UBAC2: variants seen among roughly 807,000 people sequenced by gnomAD.
UBAC2 encodes the protein ubiquitin-associated domain-containing protein 2.
A neutral mutation model predicts 44.0 loss-of-function variants in UBAC2; 26 were observed. The observed-to-expected ratio is 0.59, with a 90% CI of 0.43 to 0.82. The LOEUF is 0.82. Among genes scored for constraint, UBAC2 ranks in the 40% least tolerant of loss-of-function variants. The pLI, the probability that UBAC2 is intolerant of heterozygous loss-of-function variation, is 0.00. For missense variants in UBAC2, 329 were observed against 419.4 expected (o/e 0.78, Z 1.88); for synonymous variants, 155 against 154.3 (o/e 1.00, Z -0.04).
intron 8 of UBAC2, among the ~76,000 whole-genome samples, chr13:99,381,670 G>A (rs2138931128): frequency 6.6e-6 from 1 of 152,218 alleles, no homozygotes; most frequent in South Asian, 2.1e-4. Context: ...CCCAAGATTG[G>A]AAAGACCACC....
chr13:99,335,380 T>G (rs1316208068), intron 6 of UBAC2, among the ~76,000 whole-genome samples: 1 of 94,928 alleles, frequency 1.1e-5, no homozygotes, highest in Admixed American at 1.0e-4. Flanking sequence ...TCATTACTGT[T>G]TTTTTTTTTC....
intron 6 of UBAC2, among the ~76,000 whole-genome samples, chr13:99,338,039 C>CTTTTTTTTTTTTTTTTT (rs747905404): frequency 7.6e-5 from 7 of 91,556 alleles, no homozygotes; most frequent in East Asian, 3.0e-4. Flanking sequence ...AACTTTTTTT[C>CTTTTTTTTTTTTTTTTT]TTTTTTTCTT....
In UBAC2 at chr13:99,215,846, G is replaced by A. The variant is rs139381006; in HGVS notation, c.31+14907G>A. ...CCACCATCTACTCCTTCATCGCACC[G>A]TGATTCAAACTGCCCTTTTCAGTTC... On this transcript the variant is annotated intron_variant, in intron 1 of 8. Transcript: ENST00000403766. The A allele has an allele frequency of 1.6e-3, 853 of 518,118 alleles. 7 individuals are homozygous for A. Among genetic ancestry groups the A allele is most frequent in the African/African-American group, 0.014 (744 of 52,544 alleles). 32.1% of individuals were successfully genotyped at this position (518,118 alleles called of 1,614,324 possible).
chr13:99,235,653 C>T (rs532335774), intron 1 of UBAC2, among the ~76,000 whole-genome samples: 2 of 152,168 alleles, frequency 1.3e-5, no homozygotes, highest in Non-Finnish European at 2.9e-5. Flanking sequence ...CAAGAACATA[C>T]AATGGAGAAA....
In UBAC2 at chr13:99,297,808, T is replaced by TA. The variant is rs752253836; in HGVS notation, c.390-16276dup. ...CAGGACAGAGACTATCGGTTTAGAT[T>TA]AAAAAAAAAAAAATTCCAGCTGTTT... On this transcript the variant is annotated intron_variant, in intron 4 of 8. Coordinates refer to ENST00000403766, the MANE Select transcript of UBAC2 (RefSeq NM_001144072.2). Among the ~76,000 whole-genome samples the TA allele has an allele frequency of 2.2e-3, 322 of 144,100 alleles. 1 individual carries two copies. Among genetic ancestry groups the TA allele is most frequent in the Middle Eastern group, 3.6e-3 (1 of 280 alleles). The allele number at this position is 144,100 out of a possible 152,430, so 94.5% of individuals were successfully genotyped here. A position where few individuals can be genotyped will look rare whatever the true frequency, so the allele number is the denominator to read the frequency against.
At chr13:99,287,608 G>C (rs1472638192) in intron 4 of UBAC2, among the ~76,000 whole-genome samples, 1 of 149,568 alleles carries the variant, frequency 6.7e-6, no homozygotes, top group Non-Finnish European at 1.5e-5. Flanking sequence ...CAAGAGTAAG[G>C]AAAAATATCT....
At chr13:99,357,305 T>G (rs1217873870) in intron 7 of UBAC2, among the ~76,000 whole-genome samples, 1 of 152,198 alleles carries the variant, frequency 6.6e-6, no homozygotes, top group African/African-American at 2.4e-5. Context: ...ACAGCACATT[T>G]CTCAGAATGA....
At chr13:99,275,896 A>G (rs979187820) in intron 4 of UBAC2, among the ~76,000 whole-genome samples, 1 of 152,046 alleles carries the variant, frequency 6.6e-6, no homozygotes, top group Non-Finnish European at 1.5e-5. Flanking sequence ...GGATCTGTGC[A>G]TTTGTTTCTT....
In UBAC2 at chr13:99,243,692, T is replaced by C. The variant is rs114688567; in HGVS notation, c.160-140T>C. On this transcript the variant is annotated intron_variant, in intron 2 of 8. Transcript: ENST00000403766. ...GACTTGAGCTCAGAGAACATACATA[T>C]ATAGTTTTCCTTTGGTGTGTGCATT... is the stretch of plus-strand genomic sequence containing the variant. 8.6e-4 allele frequency: 611 copies of C among 711,264 alleles called. 2 individuals are homozygous for C. The African/African-American group carries it at 0.01, about 12-fold the overall frequency. The allele number at this position is 711,264 out of a possible 1,614,324, so 44.1% of individuals were successfully genotyped here. A position where few individuals can be genotyped will look rare whatever the true frequency, so the allele number is the denominator to read the frequency against.
intron 6 of UBAC2, among the ~76,000 whole-genome samples, chr13:99,324,018 C>G (rs567390953): frequency 1.3e-5 from 2 of 152,124 alleles, no homozygotes; most frequent in Non-Finnish European, 1.5e-5. Flanking sequence ...TTTCAAAATG[C>G]GACCTCCTCA....
chr13:99,240,843 A>G (rs1293090620), intron 2 of UBAC2, among the ~76,000 whole-genome samples: 1 of 152,148 alleles, frequency 6.6e-6, no homozygotes, highest in African/African-American at 2.4e-5. Context: ...CTTGGAGTAG[A>G]GACATATGTG....
At chr13:99,364,479 A>G (rs1481175219) in intron 7 of UBAC2, among the ~76,000 whole-genome samples, 1 of 151,872 alleles carries the variant, frequency 6.6e-6, no homozygotes, top group South Asian at 2.1e-4. Context: ...TTTCTTGCTC[A>G]TAATGGCCTT....
intron 6 of UBAC2, among the ~76,000 whole-genome samples, chr13:99,330,594 T>C (rs2138806636): frequency 6.6e-6 from 1 of 152,162 alleles, no homozygotes; most frequent in South Asian, 2.1e-4. Context: ...GTGGTCTGTG[T>C]CATCCAGAAA....
In UBAC2 at chr13:99,344,017, T is replaced by C. The variant is rs549413294; in HGVS notation, c.807+3452T>C. ...AAAGATAGCCCCCAGTCCTTTTTCT[T>C]ATGGAGCTTAGGTCCTGTCTCTCTT... On this transcript the variant is annotated intron_variant, in intron 7 of 8. Coordinates refer to ENST00000403766, the MANE Select transcript of UBAC2 (RefSeq NM_001144072.2). Among the ~76,000 whole-genome samples, 5 of 152,368 alleles carry C rather than the reference T, an allele frequency of 3.3e-5. No homozygotes were observed. In the South Asian group the frequency reaches 1.0e-3, roughly 32 times the overall value.
chr13:99,227,153 G>T (rs1381570807), intron 1 of UBAC2, among the ~76,000 whole-genome samples: 3 of 151,588 alleles, frequency 2.0e-5, no homozygotes, highest in African/African-American at 7.3e-5. Context: ...AGCCGAGATT[G>T]TGCCATTGCA....
chr13:99,260,997 T>C (rs1323423024), intron 4 of UBAC2, among the ~76,000 whole-genome samples: 2 of 152,220 alleles, frequency 1.3e-5, no homozygotes, highest in Admixed American at 1.3e-4. Context: ...CAGTTTTTAA[T>C]GAGAAAGAAT....
rs1361665664 is a variant in UBAC2, at chr13:99,243,875, A to C, written c.203A>C (p.Lys68Thr). ...ICGRIICLDLKDTFCSSLLIY... is the reference protein window; with the variant it reads ...ICGRIICLDLTDTFCSSLLIY... ...GGAAGAATAATTTGCCTTGATTTGA[A>C]AGATACTTTCTGCAGTAGTCTGCTT... The change falls in exon 3 of 9, where the codon AAA (lysine) becomes ACA (threonine). Residue 68 changes from lysine to threonine, a missense_variant. Transcript: ENST00000403766. 6.3e-7 allele frequency: 1 copy of C among 1,576,368 alleles called. No homozygotes were observed.
At chr13:99,302,495 T>G (rs1263460826) in intron 4 of UBAC2, among the ~76,000 whole-genome samples, 1 of 152,194 alleles carries the variant, frequency 6.6e-6, no homozygotes, top group African/African-American at 2.4e-5. Flanking sequence ...GTTACCTGGT[T>G]TGATAAGTAT....
intron 4 of UBAC2, among the ~76,000 whole-genome samples, chr13:99,249,145 C>T (rs2043426051): frequency 6.6e-6 from 1 of 152,032 alleles, no homozygotes; most frequent in Non-Finnish European, 1.5e-5. Flanking sequence ...GCGTGGTATC[C>T]AGTAGTTAGT....
Sources: gnomAD v4.1 joint callset for allele counts (sites outside exome capture counted in the v4.1 genomes callset) on GRCh38, gnomAD v4.1.1 for gene constraint, MANE v1.5 for transcripts, NCBI Gene and HGNC (gene_info 2026-07-23, HGNC 2026-07-21) for gene names.